The following ATP8A2 variants were observed in gnomAD, a reference collection of about 807,000 sequenced individuals.
The protein encoded by ATP8A2 is ATPase phospholipid transporting 8A2.
Under a neutral mutation model 165.6 loss-of-function variants are expected in ATP8A2, and 100 were observed. That is an observed-to-expected ratio of 0.60 (90% CI 0.51 to 0.71). ATP8A2 has a LOEUF of 0.71. Among genes scored for constraint, ATP8A2 ranks in the 30% least tolerant of loss-of-function variants. The probability of loss-of-function intolerance (pLI) is 0.00; values close to 1 mark genes in which losing one functional copy is unlikely to be tolerated. For missense variants in ATP8A2, 1,227 were observed against 1,479.5 expected (o/e 0.83, Z 2.80); for synonymous variants, 543 against 548.8 (o/e 0.99, Z 0.15).
intron 33 of ATP8A2, among the ~76,000 whole-genome samples, chr13:25,901,840 C>T (rs907765341): frequency 6.6e-6 from 1 of 152,234 alleles, no homozygotes; most frequent in African/African-American, 2.4e-5. Flanking sequence ...ATGATCATTA[C>T]TCATTCTGAC....
chr13:25,999,482 C>A (rs561840103), intron 35 of ATP8A2, among the ~76,000 whole-genome samples: 11 of 152,296 alleles, frequency 7.2e-5, no homozygotes, highest in African/African-American at 2.6e-4. Context: ...GGATGGTCAG[C>A]AAAGGGCCAT....
intron 33 of ATP8A2, among the ~76,000 whole-genome samples, chr13:25,865,613 G>T (rs935552047): frequency 6.6e-6 from 1 of 152,244 alleles, no homozygotes; most frequent in South Asian, 2.1e-4. Flanking sequence ...AGGAAAGGAA[G>T]GGCTATAGAA....
At chr13:25,972,761 C>T (rs940973245) in intron 35 of ATP8A2, among the ~76,000 whole-genome samples, 1 of 152,036 alleles carries the variant, frequency 6.6e-6, no homozygotes, top group Non-Finnish European at 1.5e-5. Flanking sequence ...AAGTGTAAGC[C>T]ATGCAAATTT....
chr13:25,886,990 CAT>C (rs1031591927), intron 33 of ATP8A2, among the ~76,000 whole-genome samples: 2 of 152,160 alleles, frequency 1.3e-5, no homozygotes, highest in African/African-American at 4.8e-5. Flanking sequence ...GCCAACAATG[CAT>C]AATGTCTAAG....
chr13:25,754,116 T>G (rs1199005906), intron 25 of ATP8A2, among the ~76,000 whole-genome samples: 5 of 152,250 alleles, frequency 3.3e-5, no homozygotes, highest in African/African-American at 1.2e-4. Flanking sequence ...CACATCTCCC[T>G]TAATTGCCTG....
chr13:25,408,622 G>A (rs1357244765), intron 1 of ATP8A2, among the ~76,000 whole-genome samples: 2 of 152,008 alleles, frequency 1.3e-5, no homozygotes, highest in African/African-American at 2.4e-5. Flanking sequence ...AAGTATTGTA[G>A]TAATGTCTTA....
chr13:25,501,032 A>G (rs1008426184), intron 2 of ATP8A2, among the ~76,000 whole-genome samples: 70 of 152,074 alleles, frequency 4.6e-4, no homozygotes, highest in Non-Finnish European at 3.8e-4. Flanking sequence ...CCATGTTTGT[A>G]TTTCTTTGAC....
At chr13:25,444,974 T>A (rs1256312062) in intron 1 of ATP8A2, among the ~76,000 whole-genome samples, 2 of 152,272 alleles carry the variant, frequency 1.3e-5, no homozygotes, top group Non-Finnish European at 2.9e-5. Flanking sequence ...GCCATTTGGG[T>A]ATCTTCTTGT....
rs560004527 is a variant in ATP8A2, at chr13:25,633,713, C to T, written c.2211+44014C>T. ...TAGGGAGGCTGGACGTGGTCGCTCACGCTTGTAATCCTAGCACTTTGAGAG... is the reference window on the plus strand; with the variant it reads ...TAGGGAGGCTGGACGTGGTCGCTCATGCTTGTAATCCTAGCACTTTGAGAG... On this transcript the variant is annotated intron_variant, in intron 24 of 36. Transcript: ENST00000381655. Among the ~76,000 whole-genome samples, 26 of 152,258 alleles carry T rather than the reference C, an allele frequency of 1.7e-4. No homozygotes were observed. In the South Asian group the frequency reaches 5.2e-3, roughly 30 times the overall value.
At position 25,892,478 on chromosome 13, in the gene ATP8A2, G is replaced by GTCTCTC. The variant is rs144283908; in HGVS notation, c.3183+30091_3183+30096dup. ...CATTTCTCTCTCTCTCTGTCTCTCT[G>GTCTCTC]TCTCTCTCTCTCTCTCTCTCTCTCT... On this transcript the variant is annotated intron_variant, in intron 33 of 36. Transcript: ENST00000381655. Among the ~76,000 whole-genome samples the GTCTCTC allele has an allele frequency of 8.0e-4, 109 of 136,246 alleles. 3 individuals carry two copies. The highest frequency in any genetic ancestry group is 2.7e-3 in the African/African-American group (92 of 33,862). The allele number at this position is 136,246 out of a possible 152,430, so 89.4% of individuals were successfully genotyped here.
chr13:25,869,451 T>TTAA (rs1478777875), intron 33 of ATP8A2, among the ~76,000 whole-genome samples: 4 of 152,236 alleles, frequency 2.6e-5, no homozygotes, highest in Non-Finnish European at 5.9e-5. Context: ...TCTTTCTTAT[T>TTAA]TAGTGCAAAT....
At chr13:25,766,960 G>A (rs145044715) in intron 25 of ATP8A2, among the ~76,000 whole-genome samples, 8 of 152,248 alleles carry the variant, frequency 5.3e-5, no homozygotes, top group South Asian at 4.2e-4. Context: ...TCATTTTCCT[G>A]ATCCCACTCA....
intron 1 of ATP8A2, among the ~76,000 whole-genome samples, chr13:25,422,060 G>T (rs2034315947): frequency 6.6e-6 from 1 of 152,272 alleles, no homozygotes; most frequent in East Asian, 1.9e-4. Flanking sequence ...ATGAAAAGAG[G>T]TGTAGGGCTC....
At chr13:25,486,581 T>G (rs1171610531) in intron 2 of ATP8A2, among the ~76,000 whole-genome samples, 3 of 152,224 alleles carry the variant, frequency 2.0e-5, no homozygotes, top group Admixed American at 6.5e-5. Context: ...AAAAGAAACT[T>G]ATGTGCTGCT....
chr13:25,523,045 G>A (rs2037720218), intron 2 of ATP8A2, among the ~76,000 whole-genome samples: 1 of 151,636 alleles, frequency 6.6e-6, no homozygotes, highest in Non-Finnish European at 1.5e-5. Context: ...TTGAACCCAG[G>A]AGGCACAGGT....
intron 2 of ATP8A2, among the ~76,000 whole-genome samples, chr13:25,471,100 C>A (rs9581350): frequency 0.085 from 12,965 of 152,184 alleles, 889 homozygotes; most frequent in African/African-American, 0.19. Flanking sequence ...TTTCTTTACA[C>A]CTTCTCGCAT....
intron 35 of ATP8A2, among the ~76,000 whole-genome samples, chr13:25,994,191 T>A (rs774349875): frequency 5.3e-5 from 8 of 152,138 alleles, no homozygotes; most frequent in Non-Finnish European, 1.0e-4. Context: ...TCTTACATCA[T>A]GTACTTTGAT....
intron 2 of ATP8A2, among the ~76,000 whole-genome samples, chr13:25,502,322 T>C (rs1165317975): frequency 1.3e-5 from 2 of 152,234 alleles, no homozygotes; most frequent in Admixed American, 6.5e-5. Context: ...TTTGGCTACA[T>C]AGTTTAATTC....
chr13:25,386,977 T>G (rs12585470), intron 1 of ATP8A2, among the ~76,000 whole-genome samples: 2 of 142,804 alleles, frequency 1.4e-5, no homozygotes, highest in South Asian at 2.3e-4. Flanking sequence ...AGCCTGGGCG[T>G]CAGAGCGAGA....
Sources: allele counts gnomAD v4.1 joint callset (sites outside exome capture counted in the v4.1 genomes callset), GRCh38; gene constraint gnomAD v4.1.1; transcripts MANE v1.5; gene names NCBI Gene and HGNC (gene_info 2026-07-23, HGNC 2026-07-21).